ATP6V1H: variants seen among roughly 807,000 people sequenced by gnomAD.
The protein encoded by ATP6V1H is V-type proton ATPase subunit H.
A neutral mutation model predicts 71.7 loss-of-function variants in ATP6V1H; 39 were observed. That is an observed-to-expected ratio of 0.54 (90% CI 0.42 to 0.71). The LOEUF is 0.71. Among genes scored for constraint, ATP6V1H ranks in the 30% least tolerant of loss-of-function variants. The pLI is 0.00. For synonymous variants in ATP6V1H, 192 were observed against 199.3 expected (o/e 0.96, Z 0.31); for missense variants, 509 against 594.9 (o/e 0.86, Z 1.50).
At chr8:53,827,394 T>C (rs1363121004) in intron 4 of ATP6V1H, among the ~76,000 whole-genome samples, 1 of 150,834 alleles carries the variant, frequency 6.6e-6, no homozygotes, top group Non-Finnish European at 1.5e-5. Context: ...AAAAAATAAA[T>C]AAAATAAAAA....
chr8:53,750,134 G>A (rs552613576), intron 12 of ATP6V1H, among the ~76,000 whole-genome samples: 7 of 152,060 alleles, frequency 4.6e-5, no homozygotes, highest in South Asian at 2.1e-4. Flanking sequence ...AGGTAAATTC[G>A]TTTTATTTTT....
intron 12 of ATP6V1H, among the ~76,000 whole-genome samples, chr8:53,753,792 TA>T (rs1473603114): frequency 1.3e-5 from 2 of 152,220 alleles, no homozygotes; most frequent in African/African-American, 4.8e-5. Context: ...AATTATTTTT[TA>T]ATGATATTAA....
chr8:53,803,289 A>G (rs1809975256), intron 7 of ATP6V1H, among the ~76,000 whole-genome samples: 1 of 152,122 alleles, frequency 6.6e-6, no homozygotes, highest in Non-Finnish European at 1.5e-5. Flanking sequence ...GTGAGCCAAG[A>G]TCACGCCACT....
chr8:53,815,101 T>C (rs1407845338), intron 5 of ATP6V1H, among the ~76,000 whole-genome samples: 1 of 152,144 alleles, frequency 6.6e-6, no homozygotes. Context: ...AAGCAGACTG[T>C]CACCAAACCA....
intron 12 of ATP6V1H, among the ~76,000 whole-genome samples, chr8:53,754,403 T>C (rs1046973700): frequency 9.9e-5 from 15 of 152,184 alleles, no homozygotes; most frequent in African/African-American, 3.4e-4. Flanking sequence ...ATATGCCATT[T>C]CATGAAGGCT....
At chr8:53,749,949 C>T (rs1807736300) in intron 12 of ATP6V1H, among the ~76,000 whole-genome samples, 1 of 152,072 alleles carries the variant, frequency 6.6e-6, no homozygotes, top group Non-Finnish European at 1.5e-5. Flanking sequence ...CTATCAGGGG[C>T]CACAGGTGTT....
intron 13 of ATP6V1H, among the ~76,000 whole-genome samples, chr8:53,731,118 G>A (rs886588171): frequency 6.6e-6 from 1 of 152,016 alleles, no homozygotes; most frequent in East Asian, 1.9e-4. Context: ...TGTGACTCCC[G>A]ACACACAGCA....
chr8:53,779,843 C>T (rs1238340364), intron 9 of ATP6V1H, among the ~76,000 whole-genome samples: 2 of 152,014 alleles, frequency 1.3e-5, no homozygotes, highest in African/African-American at 2.4e-5. Flanking sequence ...TATTTGTTGA[C>T]CAGAGAATTA....
intron 9 of ATP6V1H, among the ~76,000 whole-genome samples, chr8:53,789,203 A>G (rs893879972): frequency 1.6e-4 from 24 of 152,252 alleles, no homozygotes; most frequent in African/African-American, 5.5e-4. Flanking sequence ...AGTATTAGAT[A>G]CATGCTTCCA....
chr8:53,765,514 T>A (rs2130295457), intron 11 of ATP6V1H, among the ~76,000 whole-genome samples: 3 of 109,636 alleles, frequency 2.7e-5, no homozygotes, highest in South Asian at 3.1e-4. Flanking sequence ...ACCATCAGCA[T>A]TAGCACCAAA....
At chr8:53,756,694 A>G in intron 11 of ATP6V1H, 38 bp from the exon 12 acceptor site, 1 of 1,435,602 alleles carries the variant, frequency 7.0e-7, no homozygotes, top group Non-Finnish European at 9.8e-7. Context: ...TCAAGTTCTA[A>G]TTTTTCTATA....
At position 53,787,086 on chromosome 8, in the gene ATP6V1H, C is replaced by T. The variant is rs145093720; in HGVS notation, c.870+8561G>A. On this transcript the variant is annotated intron_variant, in intron 9 of 13. Coordinates refer to ENST00000359530, the MANE Select transcript of ATP6V1H (RefSeq NM_015941.4). The stretch of plus-strand genomic sequence containing the variant: ...ACAAGTTTCTAAATGCTGACTTTCA[C>T]TTTCTGTACTTATCCATTGCAGGTT... 2.2e-3 allele frequency among the ~76,000 whole-genome samples: 337 copies of T among 152,284 alleles called. 2 individuals are homozygous for T. Among genetic ancestry groups the T allele is most frequent in the African/African-American group, 7.8e-3 (326 of 41,556 alleles).
intron 9 of ATP6V1H, among the ~76,000 whole-genome samples, chr8:53,783,704 C>A (rs1311436365): frequency 2.6e-5 from 4 of 152,320 alleles, no homozygotes; most frequent in East Asian, 3.9e-4. Context: ...CCTCTACACA[C>A]TGCTTTGAAT....
intron 11 of ATP6V1H, among the ~76,000 whole-genome samples, chr8:53,768,763 C>T (rs1027190539): frequency 2.6e-5 from 4 of 151,966 alleles, no homozygotes; most frequent in African/African-American, 7.3e-5. Flanking sequence ...TTACTTAGGG[C>T]TAGGTAGATG....
At position 53,833,106 on chromosome 8, in the gene ATP6V1H, T is replaced by A; in HGVS notation, c.114-20A>T. 6.3e-7 allele frequency: 1 copy of A among 1,590,530 alleles called. No homozygotes were observed. Among genetic ancestry groups the A allele is most frequent in the East Asian group, 2.2e-5 (1 of 44,540 alleles). On this transcript the variant is annotated intron_variant, in intron 2 of 13. Coordinates refer to ENST00000359530, the MANE Select transcript of ATP6V1H (RefSeq NM_015941.4). ...TGTCCCCTAGAAAGTAAGAATAAGA[T>A]GTTTTGTTCAGTAAGAGTTGAATAT...
At chr8:53,774,362 TAAAG>T (rs879299399) in intron 9 of ATP6V1H, among the ~76,000 whole-genome samples, 1 of 152,222 alleles carries the variant, frequency 6.6e-6, no homozygotes, top group Admixed American at 6.5e-5. Flanking sequence ...TCCATCTACT[TAAAG>T]TAGAAAGTAT....
At chr8:53,841,393 G>A (rs1811336203) in intron 2 of ATP6V1H, among the ~76,000 whole-genome samples, 185 bp downstream of exon 2, 1 of 152,122 alleles carries the variant, frequency 6.6e-6, no homozygotes, top group Non-Finnish European at 1.5e-5. Context: ...TTCCCCACTA[G>A]GGCGCCAAGC....
intron 13 of ATP6V1H, among the ~76,000 whole-genome samples, chr8:53,720,676 C>T (rs1806581792): frequency 6.6e-6 from 1 of 152,168 alleles, no homozygotes; most frequent in Non-Finnish European, 1.5e-5. Flanking sequence ...CTAACTTTAC[C>T]TATATAACTT....
intron 11 of ATP6V1H, among the ~76,000 whole-genome samples, chr8:53,759,748 T>C (rs140063011): frequency 1.6e-4 from 24 of 152,352 alleles, no homozygotes; most frequent in African/African-American, 5.5e-4. Context: ...CACGGCTTCT[T>C]ATATTTCAGA....
Sources: allele counts gnomAD v4.1 joint callset (sites outside exome capture counted in the v4.1 genomes callset), GRCh38; gene constraint gnomAD v4.1.1; transcripts MANE v1.5; gene names NCBI Gene and HGNC (gene_info 2026-07-23, HGNC 2026-07-21).